Variants in HELZ observed in about 807,000 individuals in gnomAD.
HELZ encodes the protein ATP-dependent RNA helicase with zinc finger domain.
A neutral mutation model predicts 218.2 loss-of-function variants in HELZ; 23 were observed. That is an observed-to-expected ratio of 0.11 (90% confidence interval 0.08 to 0.15). The LOEUF is 0.15. HELZ is among the 10% of genes least tolerant of loss of function. HELZ has a pLI of 1.00. For synonymous variants in HELZ, 814 were observed against 829.4 expected, an observed-to-expected ratio of 0.98 and a Z score of 0.32; for missense variants, 1,813 against 2,353.7, an observed-to-expected ratio of 0.77 and a Z score of 4.75.
chr17:67,244,792 CCGGG>C, intron 1 of HELZ: 2 of 985,286 alleles, frequency 2.0e-6, no homozygotes, highest in Non-Finnish European at 2.4e-6. Flanking sequence ...GGGGAACGTG[CCGGG>C]AGGCTCGAGT....
chr17:67,218,479 C>T, intron 4 of HELZ, 116 bp downstream of exon 4: 2 of 803,536 alleles, frequency 2.5e-6, no homozygotes, highest in Non-Finnish European at 4.2e-6. Flanking sequence ...TCAGCAATCA[C>T]CAGCCACTTC....
In HELZ at chr17:67,072,699, T is replaced by A. The variant is rs904843130; in HGVS notation, c.*5553A>T. On this transcript the variant is annotated 3_prime_UTR_variant, in exon 33 of 33. Transcript: ENST00000358691. ...GGTGGTGGCCAATCCAAAGGGCCTG[T>A]CGCTCCATGGAGACCTTTCTCCACA... The A allele has an allele frequency of 5.9e-5, 9 of 152,268 alleles. No homozygotes were observed. The highest frequency in any genetic ancestry group is 2.2e-4 in the African/African-American group (9 of 41,458). The allele number at this position is 152,268 out of a possible 1,614,324, so 9.4% of individuals were successfully genotyped here.
rs2040690104 is a variant in HELZ at position 67,219,565 on chromosome 17, C to T, written c.-18-743G>A. Among the ~76,000 whole-genome samples, 2 of 152,104 alleles carry T rather than the reference C, an allele frequency of 1.3e-5. 1 individual carries two copies. The highest frequency in any genetic ancestry group is 4.8e-5 in the African/African-American group (2 of 41,416). Reference sequence around the variant, plus strand: ...AGCAAATGTGAGCTTTTCAGAGAGACGAGTTCAAGTGAAATCACCAAGGGG... The same window carrying T: ...AGCAAATGTGAGCTTTTCAGAGAGATGAGTTCAAGTGAAATCACCAAGGGG... On this transcript the variant is annotated intron_variant, in intron 3 of 32. Coordinates refer to ENST00000358691, the MANE Select transcript of HELZ (RefSeq NM_014877.4).
chr17:67,220,107 G>A (rs112492742), intron 3 of HELZ, among the ~76,000 whole-genome samples: 1,602 of 152,148 alleles, frequency 0.011, 25 homozygotes, highest in African/African-American at 0.035. Context: ...TGTCCCTTCC[G>A]CCTGCCTCCA....
At chr17:67,245,263 C>CT (rs1567926327), upstream of HELZ, 52 of 962,472 alleles carry the variant, frequency 5.4e-5, no homozygotes, top group Non-Finnish European at 6.2e-5. Flanking sequence ...CGCCTCCCGC[C>CT]GCCGGCGCCG....
chr17:67,132,286 T>C (rs563712913), intron 23 of HELZ, among the ~76,000 whole-genome samples: 1 of 152,140 alleles, frequency 6.6e-6, no homozygotes, highest in East Asian at 1.9e-4. Flanking sequence ...ACATGAAATA[T>C]GTTTATATTT....
chr17:67,118,692 C>CAAAA lies in HELZ; in HGVS notation c.3838+1709_3838+1712dup, dbSNP rs142101119. ...ACAGCAAGACTCTGTCTTTAAAAGG[C>CAAAA]AAAAAAAAAAAAAAAAAAAAAAAGG... On this transcript the variant is annotated intron_variant, in intron 27 of 32. Coordinates refer to ENST00000358691, the MANE Select transcript of HELZ (RefSeq NM_014877.4). Among the ~76,000 whole-genome samples, 386 of 44,924 alleles carry CAAAA rather than the reference C, an allele frequency of 8.6e-3. 24 individuals are homozygous for CAAAA. Among genetic ancestry groups the CAAAA allele is most frequent in the African/African-American group, 0.013 (143 of 10,650 alleles). The allele number at this position is 44,924 out of a possible 152,430, so 29.5% of individuals were successfully genotyped here.
At chr17:67,086,661 TATAG>T (rs2036400425) in intron 32 of HELZ, among the ~76,000 whole-genome samples, 164 bp downstream of exon 32, 3 of 130,468 alleles carry the variant, frequency 2.3e-5, no homozygotes, top group South Asian at 5.1e-4. Flanking sequence ...TATATATATA[TATAG>T]AATCAATATA....
intron 21 of HELZ, among the ~76,000 whole-genome samples, chr17:67,143,998 T>G (rs757774729): frequency 2.6e-5 from 4 of 152,192 alleles, no homozygotes; most frequent in Non-Finnish European, 5.9e-5. Context: ...GAATGTAAAC[T>G]CTTTTCAAAT....
chr17:67,124,723 A>T (rs1033628704), intron 24 of HELZ, among the ~76,000 whole-genome samples: 2 of 152,152 alleles, frequency 1.3e-5, no homozygotes, highest in African/African-American at 4.8e-5. Context: ...GTGTGTAATA[A>T]ATGTTAACAA....
chr17:67,111,782 G>A (rs972176872), intron 28 of HELZ, among the ~76,000 whole-genome samples: 9 of 109,378 alleles, frequency 8.2e-5, no homozygotes, highest in African/African-American at 2.7e-4. Flanking sequence ...AGATGTCTCA[G>A]AACCTGATTA....
intron 31 of HELZ, among the ~76,000 whole-genome samples, chr17:67,101,728 G>C (rs1169827574): frequency 6.6e-6 from 1 of 151,940 alleles, no homozygotes; most frequent in East Asian, 1.9e-4. Context: ...CCCACCCCTC[G>C]GAGCAAGTAT....
At position 67,098,770 on chromosome 17, in the gene HELZ, C is replaced by T. The variant is rs1197062608; in HGVS notation, c.5241+8399G>A. ...AAAAGTAAAAATAAAAATGTCCAAA[C>T]AACATCTATCATCTTTAACAACCAT... On this transcript the variant is annotated intron_variant, in intron 31 of 32. Coordinates refer to ENST00000358691, the MANE Select transcript of HELZ (RefSeq NM_014877.4). Among the ~76,000 whole-genome samples, 3 of 152,116 alleles carry T rather than the reference C, an allele frequency of 2.0e-5. No individual in the cohort carries two copies. In the East Asian group the frequency reaches 5.8e-4, roughly 29 times the overall value.
chr17:67,086,319 G>A (rs932309959), intron 32 of HELZ, among the ~76,000 whole-genome samples: 1 of 151,954 alleles, frequency 6.6e-6, no homozygotes, highest in Non-Finnish European at 1.5e-5. Flanking sequence ...CAGGTGCGGT[G>A]GCTCACGCCT....
intron 7 of HELZ, among the ~76,000 whole-genome samples, chr17:67,196,303 A>G (rs1205962690): frequency 3.3e-5 from 5 of 152,144 alleles, no homozygotes; most frequent in Admixed American, 1.3e-4. Flanking sequence ...CCTCAGATAA[A>G]CCACCAATCA....
chr17:67,109,032 A>T, intron 29 of HELZ, 84 bp downstream of exon 29: 1 of 1,165,520 alleles, frequency 8.6e-7, no homozygotes, highest in Non-Finnish European at 1.2e-6. Flanking sequence ...GAAACAATTC[A>T]ATCTTAACCC....
chr17:67,164,704 T>C (rs1055244427), intron 15 of HELZ, among the ~76,000 whole-genome samples: 1 of 152,186 alleles, frequency 6.6e-6, no homozygotes, highest in African/African-American at 2.4e-5. Flanking sequence ...TCAACATTGC[T>C]AAAACATGAG....
chr17:67,208,322 T>C (rs1311694415), intron 5 of HELZ, among the ~76,000 whole-genome samples: 1 of 152,160 alleles, frequency 6.6e-6, no homozygotes, highest in Non-Finnish European at 1.5e-5. Flanking sequence ...ATGGAGCAGT[T>C]CTGTATCTTA....
intron 5 of HELZ, among the ~76,000 whole-genome samples, chr17:67,209,432 T>C (rs1245233456): frequency 6.6e-6 from 1 of 152,094 alleles, no homozygotes; most frequent in Admixed American, 6.6e-5. Flanking sequence ...ACCCCGTCAC[T>C]ACTAAAAATA....
Sources: gnomAD v4.1 joint callset for allele counts (sites outside exome capture counted in the v4.1 genomes callset) on GRCh38, gnomAD v4.1.1 for gene constraint, MANE v1.5 for transcripts, NCBI Gene and HGNC (gene_info 2026-07-23, HGNC 2026-07-21) for gene names.